GNA12: variants seen among roughly 807,000 people sequenced by gnomAD.
The protein encoded by GNA12 is G protein subunit alpha 12, also known as guanine nucleotide-binding protein subunit alpha-12.
In GNA12, 9 loss-of-function variants were observed where a neutral mutation model predicts 26.0. The observed-to-expected ratio is 0.35, with a 90% CI of 0.21 to 0.60. The LOEUF is 0.60. Ranked by LOEUF, GNA12 falls within the 20% of genes least tolerant of loss-of-function variation. The pLI is 0.78. For missense variants in GNA12, 405 were observed against 525.8 expected, an observed-to-expected ratio of 0.77 and a Z score of 2.25; for synonymous variants, 264 against 219.6, an observed-to-expected ratio of 1.20 and a Z score of -1.79.
chr7:2,762,195 C>T (rs1015973873), intron 2 of GNA12: 1 of 166,208 alleles, frequency 6.0e-6, no homozygotes, highest in Non-Finnish European at 1.3e-5. Context: ...TCAACCCAGG[C>T]TTCGTTTCTA....
chr7:2,748,130 G>A (rs1022491101), intron 2 of GNA12, among the ~76,000 whole-genome samples: 3 of 150,864 alleles, frequency 2.0e-5, no homozygotes, highest in African/African-American at 4.9e-5. Flanking sequence ...AGCTACCAAT[G>A]ACTTTCTTCA....
At chr7:2,740,432 G>A (rs573419177) in intron 2 of GNA12, among the ~76,000 whole-genome samples, 9 of 152,144 alleles carry the variant, frequency 5.9e-5, no homozygotes, top group African/African-American at 1.4e-4. Flanking sequence ...GAAGCTGGCC[G>A]TCTGCAAGCG....
intron 2 of GNA12, among the ~76,000 whole-genome samples, chr7:2,782,055 A>G (rs1739209539): frequency 6.6e-6 from 1 of 152,216 alleles, no homozygotes; most frequent in African/African-American, 2.4e-5. Context: ...TAAATGGGGA[A>G]AGAGGAGACA....
chr7:2,740,712 G>A (rs967549881), intron 2 of GNA12, among the ~76,000 whole-genome samples: 1 of 152,180 alleles, frequency 6.6e-6, no homozygotes, highest in Non-Finnish European at 1.5e-5. Context: ...AGTTTCATAA[G>A]ATGTTTAATA....
At chr7:2,839,150 T>C (rs564518190) in intron 1 of GNA12, among the ~76,000 whole-genome samples, 1 of 152,274 alleles carries the variant, frequency 6.6e-6, no homozygotes, top group South Asian at 2.1e-4. Flanking sequence ...ACCAATACAT[T>C]TAAAAGAAGT....
At position 2,731,560 on chromosome 7, in the gene GNA12, T is replaced by G; in HGVS notation, c.767A>C (p.Glu256Ala). The change falls in exon 4 of 4, where the codon GAG becomes GCG. Residue 256 changes from glutamate (E) to alanine (A), a missense_variant. Glu to Ala is a moderately radical substitution (Grantham distance 107). Transcript: ENST00000275364. The surrounding 1 kb of genome is among the most constrained non-coding windows in gnomAD (Gnocchi z 6.0). Reference protein sequence around the residue: ...TSILFMVSSSEYDQVLMEDRR... With the variant: ...TSILFMVSSSAYDQVLMEDRR... ...GTCCTCCATGAGGACCTGGTCGTAC[T>G]CGCTGGAGGAGACCATGAACAGGAT... The G allele has an allele frequency of 6.2e-7, 1 of 1,610,736 alleles. No individual in the cohort carries two copies. The highest frequency in any genetic ancestry group is 2.2e-5 in the East Asian group (1 of 44,798).
intron 2 of GNA12, among the ~76,000 whole-genome samples, chr7:2,739,446 C>T (rs961038054): frequency 6.6e-6 from 1 of 152,172 alleles, no homozygotes; most frequent in Non-Finnish European, 1.5e-5. Flanking sequence ...CATGCTGTGG[C>T]ACAGGCCAGT....
intron 2 of GNA12, among the ~76,000 whole-genome samples, chr7:2,755,891 T>C (rs1429917997): frequency 6.6e-6 from 1 of 152,198 alleles, no homozygotes; most frequent in Non-Finnish European, 1.5e-5. Context: ...TTGTTTATGC[T>C]CCCCAAATTG....
chr7:2,809,119 C>A (rs1793017279), intron 1 of GNA12, among the ~76,000 whole-genome samples: 1 of 152,210 alleles, frequency 6.6e-6, no homozygotes, highest in Non-Finnish European at 1.5e-5. Flanking sequence ...CCACTTCCGG[C>A]TGGCTACCCG....
chr7:2,740,166 CTTTTCTGGG>C (rs1430575053), intron 2 of GNA12, among the ~76,000 whole-genome samples: 4 of 151,992 alleles, frequency 2.6e-5, no homozygotes, highest in Non-Finnish European at 5.9e-5. Context: ...CCAGTGTGAT[CTTTTCTGGG>C]TTTTCTGGCA....
At chr7:2,744,250 C>G (rs1790656095) in intron 2 of GNA12, among the ~76,000 whole-genome samples, 1 of 152,218 alleles carries the variant, frequency 6.6e-6, no homozygotes, top group Non-Finnish European at 1.5e-5. Context: ...CCTGAGTAGC[C>G]TAACTGGGAG....
At chr7:2,790,207 G>A (rs926998183) in intron 2 of GNA12, among the ~76,000 whole-genome samples, 3 of 152,154 alleles carry the variant, frequency 2.0e-5, no homozygotes, top group Admixed American at 6.5e-5. Flanking sequence ...GGATAGAATT[G>A]TCTGCTTTTT....
intron 2 of GNA12, among the ~76,000 whole-genome samples, chr7:2,764,061 G>A (rs928801045): frequency 6.6e-6 from 1 of 152,016 alleles, no homozygotes; most frequent in Non-Finnish European, 1.5e-5. Context: ...CCTCTGATTG[G>A]TTGAGTATTT....
chr7:2,768,178 C>T (rs1306949087), intron 2 of GNA12, among the ~76,000 whole-genome samples: 3 of 152,148 alleles, frequency 2.0e-5, no homozygotes, highest in Non-Finnish European at 4.4e-5. Context: ...TAAATGGCCA[C>T]GGGTATGTGA....
At chr7:2,782,524 T>C (rs1792255565) in intron 2 of GNA12, among the ~76,000 whole-genome samples, 1 of 152,246 alleles carries the variant, frequency 6.6e-6, no homozygotes, top group Admixed American at 6.5e-5. Context: ...TGGCGCCTGC[T>C]GTAGCTTTTG....
chr7:2,754,578 A>T (rs1348930539), intron 2 of GNA12, among the ~76,000 whole-genome samples: 2 of 133,144 alleles, frequency 1.5e-5, no homozygotes, highest in African/African-American at 5.6e-5. Flanking sequence ...CCTCATCTCT[A>T]CTTTAAAAAA....
intron 2 of GNA12, among the ~76,000 whole-genome samples, chr7:2,785,011 A>G (rs575366250): frequency 1.3e-4 from 20 of 152,282 alleles, no homozygotes; most frequent in Middle Eastern, 3.4e-3. Context: ...AATACTTAAC[A>G]CTTCATTTTT....
intron 2 of GNA12, among the ~76,000 whole-genome samples, chr7:2,781,785 C>T (rs1233433170): frequency 6.6e-6 from 1 of 152,074 alleles, no homozygotes; most frequent in African/African-American, 2.4e-5. Flanking sequence ...TAGAGCAAGT[C>T]CATGTTATTC....
At chr7:2,780,280 A>G (rs1583275458) in intron 2 of GNA12, among the ~76,000 whole-genome samples, 1 of 151,880 alleles carries the variant, frequency 6.6e-6, no homozygotes, top group Non-Finnish European at 1.5e-5. Context: ...CTACCAGTGA[A>G]TAATTAGGTT....
Sources: gnomAD v4.1 joint callset for allele counts (sites outside exome capture counted in the v4.1 genomes callset) on GRCh38, gnomAD v4.1.1 for gene constraint, Gnocchi (gnomAD v3.1) non-coding constraint, MANE v1.5 for transcripts, NCBI Gene and HGNC (gene_info 2026-07-23, HGNC 2026-07-21) for gene names.